The following GABARAP variants were observed in gnomAD, a reference collection of about 807,000 sequenced individuals.
GABARAP encodes gamma-aminobutyric acid receptor-associated protein.
A neutral mutation model predicts 16.7 loss-of-function variants in GABARAP; 5 were observed. The observed-to-expected ratio is 0.30, with a 90% confidence interval of 0.16 to 0.63. GABARAP has a LOEUF of 0.63. GABARAP is among the 20% of genes least tolerant of loss of function. The probability of loss-of-function intolerance (pLI) is 0.82; values close to 1 mark genes in which losing one functional copy is unlikely to be tolerated. For missense variants in GABARAP, 84 were observed against 146.6 expected (o/e 0.57, Z 2.21); for synonymous variants, 45 against 52.7 (o/e 0.85, Z 0.64).
chr17:7,241,844 T>A (rs1194096152), intron 1 of GABARAP, 165 bp from the exon 2 acceptor site: 1 of 621,786 alleles, frequency 1.6e-6, no homozygotes, highest in Non-Finnish European at 2.9e-6. Flanking sequence ...CTGACCTCAC[T>A]GACTGGAGCT....
At chr17:7,241,714 A>T in intron 1 of GABARAP, 35 bp from the exon 2 acceptor site, 1 of 1,295,152 alleles carries the variant, frequency 7.7e-7, no homozygotes, top group Non-Finnish European at 1.1e-6. Flanking sequence ...GACAGAAGGA[A>T]TGCAGCCCCG....
chr17:7,240,901 A>G lies in GABARAP; in HGVS notation c.307T>C (p.Phe103Leu). The change falls in exon 4 of 4, where the codon TTC becomes CTC. Residue 103 changes from phenylalanine (F) to leucine (L), a missense_variant. Coordinates refer to ENST00000302386, the MANE Select transcript of GABARAP (RefSeq NM_007278.2). ...QLYQEHHEED[F>L]FLYIAYSDES... ...TCACTGTAGGCAATGTAGAGAAAGA[A>G]GTCTTCTTCATGGTGTTCCTGGGAT... The G allele has an allele frequency of 1.2e-6, 2 of 1,612,848 alleles. No individual in the cohort carries two copies. Among genetic ancestry groups the G allele is most frequent in the Non-Finnish European group, 1.7e-6 (2 of 1,178,914 alleles).
rs2071761948 is a variant in GABARAP, at chr17:7,240,239, CA to C, written c.*614del. 6.6e-6 allele frequency: 1 copy of C among 152,340 alleles called. No individual in the cohort carries two copies. The highest frequency in any genetic ancestry group is 1.5e-5 in the Non-Finnish European group (1 of 68,068). 9.4% of individuals were successfully genotyped at this position (152,340 alleles called of 1,614,324 possible). A position where few individuals can be genotyped will look rare whatever the true frequency, so the allele number is the denominator to read the frequency against. ...TCCTCAGTATTCCATTCCATCACAA[CA>C]AAAGCACCCTCTTTTTGCAGACAGG... On this transcript the variant is annotated 3_prime_UTR_variant, in exon 4 of 4. Transcript: ENST00000302386.
chr17:7,241,019 C>A, intron 3 of GABARAP, 100 bp from the exon 4 acceptor site: 2 of 811,240 alleles, frequency 2.5e-6, no homozygotes, highest in Non-Finnish European at 4.4e-6. Flanking sequence ...CATTGCCTGA[C>A]TCCTTCACTG....
chr17:7,240,984 GACACGTTCTTCTAGAACC>G (rs1243725455), intron 3 of GABARAP, 65 bp from the exon 4 acceptor site: 1 of 1,027,640 alleles, frequency 9.7e-7, no homozygotes, highest in Non-Finnish European at 1.5e-6. Flanking sequence ...CCACGACCCA[GACACGTTCTTCTAGAACC>G]ACAAACCATT....
rs895922256 is a variant in GABARAP, at chr17:7,240,300, T to C, written c.*554A>G. On this transcript the variant is annotated 3_prime_UTR_variant, in exon 4 of 4. Coordinates refer to ENST00000302386, the MANE Select transcript of GABARAP (RefSeq NM_007278.2). ...AACATGAACAGAATAAACCAAAATA[T>C]ACTTCTATCCCTCCAGCTTGTACCC... The C allele has an allele frequency of 1.3e-5, 2 of 152,978 alleles. No individual in the cohort carries two copies. The highest frequency in any genetic ancestry group is 4.8e-5 in the African/African-American group (2 of 41,394). 9.5% of individuals were successfully genotyped at this position (152,978 alleles called of 1,614,324 possible). A position where few individuals can be genotyped will look rare whatever the true frequency, so the allele number is the denominator to read the frequency against.
Position 7,240,826 on chromosome 17 carries a change from A to ACC in GABARAP, c.*26_*27dup. 1 of 1,523,128 alleles carries ACC rather than the reference A, an allele frequency of 6.6e-7. No individual in the cohort carries two copies. Among genetic ancestry groups the ACC allele is most frequent in the Non-Finnish European group, 9.1e-7 (1 of 1,098,360 alleles). The allele number at this position is 1,523,128 out of a possible 1,614,324, so 94.4% of individuals were successfully genotyped here. ...GCCACCTCTCTCTTTGTAGAATGAG[A>ACC]CCCCCCTCCAGCTCAGGGGCAGCAG... is the stretch of plus-strand genomic sequence containing the variant. On this transcript the variant is annotated 3_prime_UTR_variant, in exon 4 of 4. Coordinates refer to ENST00000302386, the MANE Select transcript of GABARAP (RefSeq NM_007278.2).
rs1320636849 is a variant in GABARAP at position 7,240,167 on chromosome 17, CATTT to C, written c.*683_*686del. 2 of 152,202 alleles carry C rather than the reference CATTT, an allele frequency of 1.3e-5. No individual in the cohort carries two copies. Among genetic ancestry groups the C allele is most frequent in the African/African-American group, 4.8e-5 (2 of 41,440 alleles). 9.4% of individuals were successfully genotyped at this position (152,202 alleles called of 1,614,324 possible). ...TTTTTTTTTACATGAGCATTTTTAA[CATTT>C]AGTTTCACATGCGTGTTATAAAACT... On this transcript the variant is annotated 3_prime_UTR_variant, in exon 4 of 4. Coordinates refer to ENST00000302386, the MANE Select transcript of GABARAP (RefSeq NM_007278.2).
In GABARAP at chr17:7,242,389, G is replaced by C; in HGVS notation, c.-59C>G. 7.5e-7 allele frequency: 1 copy of C among 1,325,346 alleles called. No homozygotes were observed. The highest frequency in any genetic ancestry group is 1.1e-6 in the Non-Finnish European group (1 of 926,692). The allele number at this position is 1,325,346 out of a possible 1,614,324, so 82.1% of individuals were successfully genotyped here. A position where few individuals can be genotyped will look rare whatever the true frequency, so the allele number is the denominator to read the frequency against. On this transcript the variant is annotated 5_prime_UTR_variant, in exon 1 of 4. Coordinates refer to ENST00000302386, the MANE Select transcript of GABARAP (RefSeq NM_007278.2). ...GAGGGAACCCAGGGGGGCCGGGACG[G>C]GGGGCGGCGACGACGGCGGCGACGC...
rs1373549817 is a variant in GABARAP, at chr17:7,242,252, C to A, written c.79G>T (p.Asp27Tyr). The A allele has an allele frequency of 6.2e-7, 1 of 1,613,220 alleles. No individual in the cohort carries two copies. Among genetic ancestry groups the A allele is most frequent in the East Asian group, 2.2e-5 (1 of 44,888 alleles). The change falls in exon 1 of 4, where the codon GAC (aspartate) becomes TAC (tyrosine). Residue 27 changes from aspartate to tyrosine, a missense_variant. Asp to Tyr is a radical substitution (Grantham distance 160, BLOSUM62 -3). Transcript: ENST00000302386. ...EGEKIRKKYP[D>Y]RVPVIVEKAP... ...GCTACTGTCCTCACCGGCACCCGGT[C>A]CGGGTATTTCTTTCGGATCTTCTCG...
In GABARAP at chr17:7,242,336, C is replaced by T. The variant is rs746695698; in HGVS notation, c.-6G>A. 3.7e-6 allele frequency: 6 copies of T among 1,611,706 alleles called. No homozygotes were observed. The highest frequency in any genetic ancestry group is 5.1e-6 in the Non-Finnish European group (6 of 1,178,112). ...TCTTTGTACACGAACTTCATCCTCCCGGGAACCGGGCTGGACAGGGCTGGG... is the reference window on the plus strand; with the variant it reads ...TCTTTGTACACGAACTTCATCCTCCTGGGAACCGGGCTGGACAGGGCTGGG... On this transcript the variant is annotated 5_prime_UTR_variant, in exon 1 of 4. Coordinates refer to ENST00000302386, the MANE Select transcript of GABARAP (RefSeq NM_007278.2).
At chr17:7,242,139 ACAGCCAG>A in intron 1 of GABARAP, 95 bp downstream of exon 1, 1 of 853,386 alleles carries the variant, frequency 1.2e-6, no homozygotes, top group Admixed American at 2.2e-5. Context: ...CAACCCCACC[ACAGCCAG>A]CAGCCTGATC....
chr17:7,241,188 A>G, intron 3 of GABARAP, 154 bp downstream of exon 3: 1 of 697,654 alleles, frequency 1.4e-6, no homozygotes, highest in South Asian at 1.7e-5. Context: ...CTCTACTCCT[A>G]CTGTTCTGTC....
chr17:7,241,730 G>A, intron 1 of GABARAP, 51 bp from the exon 2 acceptor site: 1 of 1,101,864 alleles, frequency 9.1e-7, no homozygotes, highest in Non-Finnish European at 1.4e-6. Context: ...CCCCGAAGCT[G>A]CACCTGTCAA....
chr17:7,241,791 CTT>C (rs1271621139), intron 1 of GABARAP, 112 bp from the exon 2 acceptor site: 4 of 761,102 alleles, frequency 5.3e-6, no homozygotes, highest in East Asian at 2.5e-5. Context: ...AGATTCATCT[CTT>C]TGTCTTTGTA....
At chr17:7,241,990 A>T (rs1441331325) in intron 1 of GABARAP, 7 of 596,198 alleles carry the variant, frequency 1.2e-5, no homozygotes, top group Non-Finnish European at 2.1e-5. Context: ...TGACCATTTG[A>T]AGCTCAGGCT....
chr17:7,241,511 A>C (rs2071778617), intron 2 of GABARAP, 51 bp from the exon 3 acceptor site: 1 of 1,341,346 alleles, frequency 7.5e-7, no homozygotes, highest in Non-Finnish European at 1.1e-6. Context: ...AAATGCCCTC[A>C]AAAGAACAGC....
chr17:7,240,983 A>G, intron 3 of GABARAP, 64 bp from the exon 4 acceptor site: 1 of 1,037,284 alleles, frequency 9.6e-7, no homozygotes, highest in South Asian at 1.3e-5. Context: ...ACCACGACCC[A>G]GACACGTTCT....
At position 7,242,402 on chromosome 17, in the gene GABARAP, ACGG is replaced by A. The variant is rs1481655040; in HGVS notation, c.-75_-73del. 7 of 1,062,188 alleles carry A rather than the reference ACGG, an allele frequency of 6.6e-6. No homozygotes were observed. The highest frequency in any genetic ancestry group is 1.0e-5 in the Non-Finnish European group (7 of 696,122). The allele number at this position is 1,062,188 out of a possible 1,614,324, so 65.8% of individuals were successfully genotyped here. ...GGGGCCGGGACGGGGGGCGGCGACG[ACGG>A]CGGCGACGCGCGGGCGGATTCAGCG... On this transcript the variant is annotated 5_prime_UTR_variant, in exon 1 of 4. Coordinates refer to ENST00000302386, the MANE Select transcript of GABARAP (RefSeq NM_007278.2).
Sources: gnomAD v4.1 joint callset for allele counts on GRCh38, gnomAD v4.1.1 for gene constraint, MANE v1.5 for transcripts, NCBI Gene and HGNC (gene_info 2026-07-23, HGNC 2026-07-21) for gene names.